KIZ: variants seen among roughly 807,000 people sequenced by gnomAD.
KIZ encodes kizuna centrosomal protein.
In KIZ, 68 loss-of-function variants were observed where a neutral mutation model predicts 79.6. The observed-to-expected ratio is 0.85, with a 90% CI of 0.70 to 1.05. The LOEUF (loss-of-function observed/expected upper bound fraction) is 1.05, where lower values mean the gene tolerates loss of function less well. KIZ is among the 50% of genes least tolerant of loss of function. KIZ has a pLI of 0.00. For missense variants in KIZ, 797 were observed against 800.4 expected (o/e 1.00, Z 0.05); for synonymous variants, 280 against 281.8 (o/e 0.99, Z 0.06).
chr20:21,246,556 T>G lies in KIZ; in HGVS notation c.2002T>G (p.Ser668Ala). 3 of 1,607,688 alleles carry G rather than the reference T, an allele frequency of 1.9e-6. No homozygotes were observed. The highest frequency in any genetic ancestry group is 8.5e-7 in the Non-Finnish European group (1 of 1,174,660). ...CCCCAGAAACCATAACACCGATGAT[T>G]CTGATGATTTTTATGACTAACGTGC... ...LRPRNHNTDDSDDFYD is the reference protein window; with the variant it reads ...LRPRNHNTDDADDFYD Residue 668 changes from serine (S) to alanine (A), a missense_variant, in exon 13 of 13, where the codon TCT becomes GCT. Ser to Ala is a moderately conservative substitution (Grantham distance 99). Coordinates refer to ENST00000619189, the MANE Select transcript of KIZ (RefSeq NM_018474.6).
Position 21,229,092 on chromosome 20 carries a change from A to T in KIZ, c.1760A>T (p.Asp587Val), listed in dbSNP as rs367712010. The change falls in exon 10 of 13, where the codon GAT (aspartate) becomes GTT (valine). Residue 587 changes from aspartate (D) to valine (V), a missense_variant. Coordinates refer to ENST00000619189, the MANE Select transcript of KIZ (RefSeq NM_018474.6). ...ACTGAAAACAGGTTTCAAAAGACAG[A>T]TGCTTCTGTGTCACACTTGTCAGGT... is the stretch of plus-strand genomic sequence containing the variant. ...NQTENRFQKT[D>V]ASVSHLSGLN... 8.7e-6 allele frequency: 14 copies of T among 1,610,128 alleles called. No homozygotes were observed. The highest frequency in any genetic ancestry group is 1.2e-5 in the Non-Finnish European group (14 of 1,177,256).
intron 9 of KIZ, among the ~76,000 whole-genome samples, chr20:21,217,196 T>C (rs948509364): frequency 6.6e-6 from 1 of 152,238 alleles, no homozygotes; most frequent in Non-Finnish European, 1.5e-5. Flanking sequence ...GGTGTTACTG[T>C]TCTGTCCTTG....
chr20:21,135,430 G>A (rs193271124), intron 2 of KIZ, among the ~76,000 whole-genome samples: 1 of 152,320 alleles, frequency 6.6e-6, no homozygotes. Flanking sequence ...AAAGAAAAAT[G>A]AAGACAGCCA....
chr20:21,175,676 A>G (rs115495833), intron 6 of KIZ, among the ~76,000 whole-genome samples: 456 of 152,312 alleles, frequency 3.0e-3, no homozygotes, highest in African/African-American at 0.011. Context: ...GCAGGAAACA[A>G]TTATACAACT....
chr20:21,185,245 T>C (rs2034824436), intron 6 of KIZ, among the ~76,000 whole-genome samples: 1 of 152,200 alleles, frequency 6.6e-6, no homozygotes, highest in Non-Finnish European at 1.5e-5. Context: ...TTTTTCTCAC[T>C]TTTTTTCTGA....
intron 8 of KIZ, among the ~76,000 whole-genome samples, chr20:21,215,123 G>A (rs2036232971): frequency 6.6e-6 from 1 of 152,052 alleles, no homozygotes; most frequent in South Asian, 2.1e-4. Context: ...CTAAACAGTT[G>A]ATTAAGAATC....
chr20:21,157,713 T>A (rs1216670471), intron 4 of KIZ, among the ~76,000 whole-genome samples: 2 of 152,186 alleles, frequency 1.3e-5, no homozygotes, highest in African/African-American at 4.8e-5. Flanking sequence ...GAGCAGTAAC[T>A]CAGGGGCACT....
chr20:21,241,891 A>T (rs948448183), intron 11 of KIZ, among the ~76,000 whole-genome samples: 1 of 148,922 alleles, frequency 6.7e-6, no homozygotes, highest in African/African-American at 2.5e-5. Context: ...CTGGGTTTTT[A>T]TTTTTTTTTC....
chr20:21,139,971 A>G (rs962165283), intron 3 of KIZ, among the ~76,000 whole-genome samples: 1 of 152,210 alleles, frequency 6.6e-6, no homozygotes, highest in Non-Finnish European at 1.5e-5. Flanking sequence ...GACTTTGGCC[A>G]TCACCCTAGG....
chr20:21,214,078 A>G (rs2036183916), intron 7 of KIZ: 1 of 153,394 alleles, frequency 6.5e-6, no homozygotes, highest in African/African-American at 2.4e-5. Context: ...TGGCAAGGTC[A>G]CATCTTTCCG....
Position 21,205,329 on chromosome 20 carries a change from A to T in KIZ, c.1353-162A>T, listed in dbSNP as rs187399730. 5.3e-5 allele frequency among the ~76,000 whole-genome samples: 8 copies of T among 152,100 alleles called. No individual in the cohort carries two copies. In the East Asian group the frequency reaches 1.4e-3, roughly 26 times the overall value. On this transcript the variant is annotated intron_variant, in intron 6 of 12. Transcript: ENST00000619189. The stretch of plus-strand genomic sequence containing the variant: ...AAATAACCAAAGTTTTTAAAAGTTT[A>T]AAAAAAAGGATACTTGGACTCAAAA...
At chr20:21,168,125 G>C (rs2034034233) in intron 6 of KIZ, among the ~76,000 whole-genome samples, 1 of 152,016 alleles carries the variant, frequency 6.6e-6, no homozygotes, top group Admixed American at 6.6e-5. Flanking sequence ...CTGTGTCCAT[G>C]TGTTCTCATT....
chr20:21,127,761 C>CTA (rs1289867103), intron 1 of KIZ, among the ~76,000 whole-genome samples: 2 of 152,196 alleles, frequency 1.3e-5, no homozygotes, highest in Non-Finnish European at 2.9e-5. Flanking sequence ...AACCTGGATT[C>CTA]TAGTCCACGA....
chr20:21,205,529 A>AGGTG lies in KIZ; in HGVS notation c.1395_1398dup (p.Gln467GlyfsTer11), dbSNP rs890128759. 10 of 1,569,708 alleles carry AGGTG rather than the reference A, an allele frequency of 6.4e-6. No individual in the cohort carries two copies. The highest frequency in any genetic ancestry group is 1.4e-5 in the African/African-American group (1 of 73,858). ...CCAGACTCAGACGTACCGAGGGCAC[A>AGGTG]GGTGGGTCAGCATGTTGCCACCTTG... On this transcript the variant is annotated frameshift_variant, in exon 7 of 13. Coordinates refer to ENST00000619189, the MANE Select transcript of KIZ (RefSeq NM_018474.6). LOFTEE classifies it high-confidence loss of function.
intron 6 of KIZ, among the ~76,000 whole-genome samples, chr20:21,203,120 G>A (rs558284779): frequency 3.2e-4 from 48 of 152,156 alleles, no homozygotes; most frequent in Admixed American, 9.8e-4. Context: ...GTTTTTCTGC[G>A]TTTGTTTTGT....
rs747888942 is a variant in KIZ at position 21,176,324 on chromosome 20, A to G, written c.1352+13165A>G. On this transcript the variant is annotated intron_variant, in intron 6 of 12. Transcript: ENST00000619189. Reference sequence around the variant, plus strand: ...GACTCTGTCTCAAATCAGTCAATCAATCAATCAATCAATCCGGAAAGCTGA... The same window carrying G: ...GACTCTGTCTCAAATCAGTCAATCAGTCAATCAATCAATCCGGAAAGCTGA... 3.9e-5 allele frequency among the ~76,000 whole-genome samples: 6 copies of G among 152,162 alleles called. No individual in the cohort carries two copies. In the East Asian group the frequency reaches 9.7e-4, roughly 25 times the overall value.
At chr20:21,240,174 G>A (rs1016815937) in intron 11 of KIZ, among the ~76,000 whole-genome samples, 8 of 152,086 alleles carry the variant, frequency 5.3e-5, no homozygotes, top group African/African-American at 1.9e-4. Context: ...ACCCAGGCTG[G>A]AGTGCAGTGG....
At chr20:21,185,404 TA>T (rs2034832689) in intron 6 of KIZ, among the ~76,000 whole-genome samples, 1 of 150,464 alleles carries the variant, frequency 6.6e-6, no homozygotes, top group Admixed American at 6.6e-5. Flanking sequence ...AAAATTATTC[TA>T]CCTTTTTTTT....
At position 21,214,532 on chromosome 20, in the gene KIZ, T is replaced by G. The variant is rs1412250578; in HGVS notation, c.1447-3T>G. 1 of 1,610,208 alleles carries G rather than the reference T, an allele frequency of 6.2e-7. No homozygotes were observed. The highest frequency in any genetic ancestry group is 8.5e-7 in the Non-Finnish European group (1 of 1,177,232). On this transcript the variant is annotated splice_polypyrimidine_tract_variant and splice_region_variant and intron_variant, in intron 7 of 12. Transcript: ENST00000619189. ...TCTTTGTGCTTTTTTTGAAACACTG[T>G]AGGCAACAGCATTATTGAGAAAAGC...
Sources: gnomAD v4.1 joint callset for allele counts (sites outside exome capture counted in the v4.1 genomes callset) on GRCh38, gnomAD v4.1.1 for gene constraint, MANE v1.5 for transcripts, NCBI Gene and HGNC (gene_info 2026-07-23, HGNC 2026-07-21) for gene names.